Variants in ACAP2 observed in about 807,000 individuals in gnomAD.
ACAP2 encodes the protein arf-GAP with coiled-coil, ANK repeat and PH domain-containing protein 2.
ACAP2 carries 39 observed loss-of-function variants against 115.8 expected under a neutral mutation model. The observed-to-expected ratio is 0.34, with a 90% CI of 0.26 to 0.44. The LOEUF (loss-of-function observed/expected upper bound fraction) is 0.44. ACAP2 is among the 20% of genes least tolerant of loss of function. ACAP2 has a pLI of 1.00. For synonymous variants in ACAP2, 289 were observed against 315.8 expected (o/e 0.92, Z 0.90); for missense variants, 662 against 927.6 (o/e 0.71, Z 3.72).
intron 1 of ACAP2, among the ~76,000 whole-genome samples, chr3:195,395,513 T>C (rs1226635375): frequency 6.6e-6 from 1 of 152,190 alleles, no homozygotes; most frequent in African/African-American, 2.4e-5. Flanking sequence ...TTTTAAAAAA[T>C]AATATTTTGT....
At chr3:195,431,522 C>T (rs563265499) in intron 1 of ACAP2, among the ~76,000 whole-genome samples, 1 of 152,204 alleles carries the variant, frequency 6.6e-6, no homozygotes, top group South Asian at 2.1e-4. Flanking sequence ...ACTGCAAGCT[C>T]CACCTCCTGG....
chr3:195,362,150 C>T (rs558594596), intron 4 of ACAP2, among the ~76,000 whole-genome samples: 1 of 151,976 alleles, frequency 6.6e-6, no homozygotes, highest in Admixed American at 6.6e-5. Context: ...CCCGTCTCTA[C>T]TAAAAATACA....
intron 15 of ACAP2, among the ~76,000 whole-genome samples, chr3:195,299,613 TG>T (rs1727895759): frequency 6.7e-6 from 1 of 149,584 alleles, no homozygotes; most frequent in Non-Finnish European, 1.5e-5. Context: ...CCAAGGCGGG[TG>T]GATCACGAGG....
In ACAP2 at chr3:195,337,480, C is replaced by G. The variant is rs377501643; in HGVS notation, c.529-504G>C. 5.4e-5 allele frequency among the ~76,000 whole-genome samples: 7 copies of G among 129,902 alleles called. No individual in the cohort carries two copies. The East Asian group carries it at 7.0e-4, about 13-fold the overall frequency. 85.2% of individuals were successfully genotyped at this position (129,902 alleles called of 152,430 possible). A position where few individuals can be genotyped will look rare whatever the true frequency, so the allele number is the denominator to read the frequency against. On this transcript the variant is annotated intron_variant, in intron 6 of 22. Coordinates refer to ENST00000326793, the MANE Select transcript of ACAP2 (RefSeq NM_012287.6). ...TTTTTTTTTTTGACACAGAGTTTTGCTCTTATTGCGCAGGCTGCAGTGCAA... is the reference window on the plus strand; with the variant it reads ...TTTTTTTTTTTGACACAGAGTTTTGGTCTTATTGCGCAGGCTGCAGTGCAA...
chr3:195,413,268 T>C (rs1279118418), intron 1 of ACAP2, among the ~76,000 whole-genome samples: 1 of 152,212 alleles, frequency 6.6e-6, no homozygotes, highest in Non-Finnish European at 1.5e-5. Context: ...ATTAGAAAAG[T>C]ATAGTCAACA....
At chr3:195,329,703 T>G (rs1159524629) in intron 8 of ACAP2, among the ~76,000 whole-genome samples, 3 of 152,238 alleles carry the variant, frequency 2.0e-5, no homozygotes, top group African/African-American at 7.2e-5. Flanking sequence ...GGTAACAACT[T>G]TTTGCTGCTA....
At chr3:195,308,301 C>G (rs967223618) in intron 11 of ACAP2, among the ~76,000 whole-genome samples, 1 of 147,910 alleles carries the variant, frequency 6.8e-6, no homozygotes, top group Admixed American at 7.0e-5. Flanking sequence ...AGTGTTATTT[C>G]TGTCATGGAC....
intron 21 of ACAP2, among the ~76,000 whole-genome samples, chr3:195,288,674 A>C (rs1054056393): frequency 6.6e-6 from 1 of 152,162 alleles, no homozygotes; most frequent in Non-Finnish European, 1.5e-5. Context: ...CCTGGCCAAC[A>C]TGGTGAAACC....
intron 4 of ACAP2, among the ~76,000 whole-genome samples, chr3:195,360,819 A>T (rs1732305207): frequency 6.6e-6 from 1 of 151,924 alleles, no homozygotes; most frequent in Admixed American, 6.6e-5. Context: ...AAAAAAAGGA[A>T]AAAGAAAAGA....
chr3:195,322,616 G>A (rs1729522319), intron 9 of ACAP2, among the ~76,000 whole-genome samples: 1 of 151,972 alleles, frequency 6.6e-6, no homozygotes, highest in South Asian at 2.1e-4. Context: ...AAAAATCAGG[G>A]AAACTTTAAT....
rs1281887227 is a variant in ACAP2, at chr3:195,385,407, C to A, written c.112-3385G>T. On this transcript the variant is annotated intron_variant, in intron 2 of 22. Coordinates refer to ENST00000326793, the MANE Select transcript of ACAP2 (RefSeq NM_012287.6). ...ACTTAGTAAAAAAAAAAAAAAAAATCTTTATCTACTTAAGATAGAGGTGGC... is the reference window on the plus strand; with the variant it reads ...ACTTAGTAAAAAAAAAAAAAAAAATATTTATCTACTTAAGATAGAGGTGGC... Among the ~76,000 whole-genome samples the A allele has an allele frequency of 1.2e-4, 17 of 142,914 alleles. No individual in the cohort carries two copies. The East Asian group carries it at 2.2e-3, about 18-fold the overall frequency. 93.8% of individuals were successfully genotyped at this position (142,914 alleles called of 152,430 possible).
At chr3:195,301,445 A>T in intron 15 of ACAP2, 130 bp downstream of exon 15, 1 of 723,318 alleles carries the variant, frequency 1.4e-6, no homozygotes, top group Non-Finnish European at 2.3e-6. Context: ...ATAGCCTCAG[A>T]TGTGTTTCAA....
chr3:195,373,005 A>AAAAAAAAAAAAAAAAAAAAAAAAC (rs1733272113), intron 4 of ACAP2, among the ~76,000 whole-genome samples: 2 of 147,810 alleles, frequency 1.4e-5, no homozygotes, highest in African/African-American at 2.5e-5. Flanking sequence ...AAAAAAAAAA[A>AAAAAAAAAAAAAAAAAAAAAAAAC]AAAAAAAGCC....
intron 2 of ACAP2, 42 bp from the exon 3 acceptor site, chr3:195,382,064 T>C (rs770738602): frequency 6.3e-7 from 1 of 1,575,628 alleles, no homozygotes; most frequent in Non-Finnish European, 8.6e-7. Context: ...AAGATAGTTT[T>C]ACAAATTACT....
chr3:195,308,873 C>T, intron 10 of ACAP2, 36 bp from the exon 11 acceptor site: 1 of 1,539,364 alleles, frequency 6.5e-7, no homozygotes, highest in Non-Finnish European at 8.9e-7. Flanking sequence ...TTTTCATAAA[C>T]ATAATTTATT....
chr3:195,315,693 AG>A (rs1729041949), intron 10 of ACAP2, among the ~76,000 whole-genome samples: 1 of 152,220 alleles, frequency 6.6e-6, no homozygotes, highest in South Asian at 2.1e-4. Flanking sequence ...CTATGATTCT[AG>A]TCAATAACTG....
At chr3:195,326,738 T>C (rs1399549762) in intron 9 of ACAP2, 147 bp downstream of exon 9, 1 of 601,892 alleles carries the variant, frequency 1.7e-6, no homozygotes, top group East Asian at 2.9e-5. Flanking sequence ...AAGAACATTT[T>C]GCTCTTCAAA....
chr3:195,289,042 G>A (rs1300023997), intron 21 of ACAP2, 79 bp downstream of exon 21: 1 of 1,134,454 alleles, frequency 8.8e-7, no homozygotes, highest in East Asian at 2.4e-5. Flanking sequence ...CAGGGTCCTG[G>A]AACTAATTCA....
At chr3:195,317,306 A>G (rs932225523) in intron 10 of ACAP2, among the ~76,000 whole-genome samples, 1 of 152,214 alleles carries the variant, frequency 6.6e-6, no homozygotes, top group Non-Finnish European at 1.5e-5. Flanking sequence ...AATGTACACA[A>G]AGTTAAACTT....
Sources: gnomAD v4.1 joint callset for allele counts (sites outside exome capture counted in the v4.1 genomes callset) on GRCh38, gnomAD v4.1.1 for gene constraint, MANE v1.5 for transcripts, NCBI Gene and HGNC (gene_info 2026-07-23, HGNC 2026-07-21) for gene names.